Variants in ROBO1 observed in about 807,000 individuals in gnomAD.
ROBO1 encodes roundabout homolog 1.
A neutral mutation model predicts 195.9 loss-of-function variants in ROBO1; 149 were observed. The observed-to-expected ratio is 0.76, with a 90% CI of 0.67 to 0.87. ROBO1 has a LOEUF of 0.87. ROBO1 is among the 40% of genes least tolerant of loss of function. The pLI, the probability that ROBO1 is intolerant of heterozygous loss-of-function variation, is 0.00. For synonymous variants in ROBO1, 816 were observed against 733.2 expected (o/e 1.11, Z -1.82); for missense variants, 1,933 against 2,068.3 (o/e 0.93, Z 1.27).
intron 4 of ROBO1, among the ~76,000 whole-genome samples, chr3:78,885,427 A>C (rs1338834775): frequency 1.4e-5 from 2 of 146,234 alleles, no homozygotes; most frequent in African/African-American, 2.5e-5. Flanking sequence ...AAAAAAAAAA[A>C]AAAAAAAAAA....
At chr3:79,530,138 CA>C in intron 2 of ROBO1, among the ~76,000 whole-genome samples, 1 of 152,204 alleles carries the variant, frequency 6.6e-6, no homozygotes, top group Middle Eastern at 3.4e-3. Context: ...AAACATTTAA[CA>C]AAAATAATAT....
At chr3:79,374,399 C>G (rs2036309987) in intron 2 of ROBO1, among the ~76,000 whole-genome samples, 1 of 152,102 alleles carries the variant, frequency 6.6e-6, no homozygotes, top group Non-Finnish European at 1.5e-5. Context: ...AAAATACAGA[C>G]TCTAACTCTC....
At chr3:79,019,038 G>T in intron 3 of ROBO1, 1 of 989,090 alleles carries the variant, frequency 1.0e-6, no homozygotes, top group Non-Finnish European at 1.2e-6. Context: ...GACTCCGCGC[G>T]CAGAGAGCGA....
chr3:78,854,460 C>G (rs185359682), intron 4 of ROBO1, among the ~76,000 whole-genome samples: 2 of 150,446 alleles, frequency 1.3e-5, no homozygotes, highest in East Asian at 3.9e-4. Context: ...TCTGGAGAAC[C>G]CTGACTAATA....
chr3:79,341,935 T>C (rs2034923849), intron 2 of ROBO1, among the ~76,000 whole-genome samples: 1 of 152,264 alleles, frequency 6.6e-6, no homozygotes, highest in African/African-American at 2.4e-5. Context: ...AGTGGAAAAT[T>C]TTAATCAAGA....
intron 4 of ROBO1, among the ~76,000 whole-genome samples, chr3:78,915,783 G>C (rs562681346): frequency 1.3e-5 from 2 of 151,886 alleles, no homozygotes; most frequent in Non-Finnish European, 2.9e-5. Context: ...TCAGCCACCC[G>C]AGTAGCTAGG....
intron 1 of ROBO1, among the ~76,000 whole-genome samples, chr3:79,642,010 G>A (rs1010425880): frequency 2.6e-5 from 4 of 152,072 alleles, no homozygotes; most frequent in Non-Finnish European, 4.4e-5. Flanking sequence ...CAGAGTGAGA[G>A]ACTGTTTTGT....
chr3:79,223,400 A>G (rs1235301020), intron 2 of ROBO1, among the ~76,000 whole-genome samples: 2 of 152,112 alleles, frequency 1.3e-5, no homozygotes, highest in Non-Finnish European at 2.9e-5. Flanking sequence ...CAGTATCTAT[A>G]TTATTCGAGT....
At chr3:78,726,482 A>G (rs774993274) in intron 5 of ROBO1, among the ~76,000 whole-genome samples, 11 of 149,228 alleles carry the variant, frequency 7.4e-5, no homozygotes, top group African/African-American at 1.8e-4. Flanking sequence ...ATTTTTTCAG[A>G]AAAAAACTTG....
chr3:79,009,997 G>A lies in ROBO1; in HGVS notation c.173-71070C>T, dbSNP rs143190219. ...AGCACTGAAAAAACCATGTTATGGG[G>A]CTGGACTTATGTTTCTGTGTTGTAG... On this transcript the variant is annotated intron_variant, in intron 3 of 30. Transcript: ENST00000464233. 5.3e-3 allele frequency among the ~76,000 whole-genome samples: 806 copies of A among 152,198 alleles called. 6 individuals are homozygous for A. The highest frequency in any genetic ancestry group is 0.018 in the African/African-American group (764 of 41,516).
intron 3 of ROBO1, among the ~76,000 whole-genome samples, chr3:78,990,588 C>T (rs1349247870): frequency 1.3e-5 from 2 of 152,054 alleles, no homozygotes; most frequent in Non-Finnish European, 2.9e-5. Flanking sequence ...AAATCATAGA[C>T]AAAAAATTTA....
In ROBO1 at chr3:78,651,913, A is replaced by G. The variant is rs763998830; in HGVS notation, c.2631T>C (p.Pro877=). ...QFIQLDAHGN[P]VSPEDQVSLA... ...GGCTGACTTGGTCCTCAGGTGACAC[A>G]GGGTTTCCATGGGCATCTGAAAAGT... Residue 877 remains proline (P), a synonymous_variant, in exon 19 of 31, where the codon CCT becomes CCC. Coordinates refer to ENST00000464233, the MANE Select transcript of ROBO1 (RefSeq NM_002941.4). The G allele has an allele frequency of 2.5e-6, 4 of 1,612,758 alleles. No homozygotes were observed. Among genetic ancestry groups the G allele is most frequent in the East Asian group, 2.2e-5 (1 of 44,810 alleles).
At chr3:79,335,204 A>C (rs947041264) in intron 2 of ROBO1, among the ~76,000 whole-genome samples, 1 of 152,192 alleles carries the variant, frequency 6.6e-6, no homozygotes. Flanking sequence ...CTGTAGTACA[A>C]ATTTACTACA....
At chr3:79,592,068 G>T (rs1225274001) in intron 1 of ROBO1, among the ~76,000 whole-genome samples, 1 of 151,824 alleles carries the variant, frequency 6.6e-6, no homozygotes, top group Admixed American at 6.6e-5. Flanking sequence ...TTTGTTAAAT[G>T]ATATTTCATA....
At chr3:79,369,960 C>T (rs997746456) in intron 2 of ROBO1, among the ~76,000 whole-genome samples, 2 of 152,136 alleles carry the variant, frequency 1.3e-5, no homozygotes, top group African/African-American at 4.8e-5. Flanking sequence ...TGAGAGATAA[C>T]CCTGCCATGC....
intron 3 of ROBO1, among the ~76,000 whole-genome samples, chr3:79,012,235 G>A (rs1192785084): frequency 2.0e-5 from 3 of 152,120 alleles, no homozygotes; most frequent in Non-Finnish European, 4.4e-5. Context: ...AACCAAAACC[G>A]ACTATTTCCT....
chr3:78,683,791 TAAA>T (rs1025133055), intron 10 of ROBO1, among the ~76,000 whole-genome samples: 7 of 151,420 alleles, frequency 4.6e-5, no homozygotes, highest in Non-Finnish European at 8.9e-5. Flanking sequence ...TCAAGGTAGA[TAAA>T]AAAAATTTGC....
intron 22 of ROBO1, among the ~76,000 whole-genome samples, chr3:78,636,372 A>G (rs1705503226): frequency 6.6e-6 from 1 of 152,166 alleles, no homozygotes; most frequent in Non-Finnish European, 1.5e-5. Flanking sequence ...AATTCATCCA[A>G]TTTAAAATAA....
At chr3:79,687,812 C>T (rs563183430) in intron 1 of ROBO1, among the ~76,000 whole-genome samples, 3 of 152,234 alleles carry the variant, frequency 2.0e-5, no homozygotes, top group East Asian at 1.9e-4. Flanking sequence ...GTCAGTGTAA[C>T]GATTCCTCAG....
Sources: allele counts gnomAD v4.1 joint callset (sites outside exome capture counted in the v4.1 genomes callset), GRCh38; gene constraint gnomAD v4.1.1; transcripts MANE v1.5; gene names NCBI Gene and HGNC (gene_info 2026-07-23, HGNC 2026-07-21).